PPP2R5E: variants seen among roughly 807,000 people sequenced by gnomAD.
PPP2R5E encodes serine/threonine-protein phosphatase 2A 56 kDa regulatory subunit epsilon isoform.
In PPP2R5E, 4 loss-of-function variants were observed where a neutral mutation model predicts 65.3. That is an observed-to-expected ratio of 0.06 (90% CI 0.03 to 0.14). PPP2R5E has a LOEUF of 0.14. Among genes scored for constraint, PPP2R5E ranks in the 10% least tolerant of loss-of-function variants. PPP2R5E has a pLI of 1.00. For missense variants in PPP2R5E, 274 were observed against 556.1 expected (o/e 0.49, Z 5.10); for synonymous variants, 183 against 187.4 (o/e 0.98, Z 0.19).
At chr14:63,377,057 C>T (rs758920911) in intron 13 of PPP2R5E, among the ~76,000 whole-genome samples, 49 of 151,502 alleles carry the variant, frequency 3.2e-4, no homozygotes, top group Non-Finnish European at 5.7e-4. Flanking sequence ...CGCTTGAACC[C>T]GGGGGGCGGA....
At chr14:63,444,767 G>A (rs1015761470) in intron 3 of PPP2R5E, among the ~76,000 whole-genome samples, 4 of 152,112 alleles carry the variant, frequency 2.6e-5, no homozygotes, top group Admixed American at 1.3e-4. Flanking sequence ...GCATAATGTG[G>A]TTAAAAAAAA....
chr14:63,423,439 T>C (rs2139892212), intron 3 of PPP2R5E, among the ~76,000 whole-genome samples: 1 of 152,282 alleles, frequency 6.6e-6, no homozygotes, highest in South Asian at 2.1e-4. Context: ...TTTTAAATGT[T>C]GTTGGTACTA....
intron 5 of PPP2R5E, among the ~76,000 whole-genome samples, chr14:63,399,366 C>CTTTTTGTTTTTT (rs1885606310): frequency 4.1e-5 from 2 of 48,504 alleles, no homozygotes; most frequent in Non-Finnish European, 7.2e-5. Context: ...GGATTTCTTT[C>CTTTTTGTTTTTT]TTTTTTTTTT....
chr14:63,432,825 G>A (rs937843174), intron 3 of PPP2R5E, among the ~76,000 whole-genome samples: 3 of 151,994 alleles, frequency 2.0e-5, no homozygotes, highest in Non-Finnish European at 2.9e-5. Context: ...CAACCTAAAC[G>A]TTCATCAAAC....
intron 2 of PPP2R5E, among the ~76,000 whole-genome samples, chr14:63,487,105 C>T (rs1594931050): frequency 1.3e-5 from 2 of 152,202 alleles, no homozygotes; most frequent in East Asian, 3.8e-4. Context: ...CATAAACCCA[C>T]ATCTATACTC....
At chr14:63,490,807 C>T (rs1455484018) in intron 2 of PPP2R5E, among the ~76,000 whole-genome samples, 1 of 152,052 alleles carries the variant, frequency 6.6e-6, no homozygotes, top group Non-Finnish European at 1.5e-5. Context: ...AGTTCAGCCC[C>T]TATGTTAAGC....
intron 2 of PPP2R5E, among the ~76,000 whole-genome samples, chr14:63,519,635 T>C (rs1892807237): frequency 6.6e-6 from 1 of 150,758 alleles, no homozygotes; most frequent in African/African-American, 2.4e-5. Context: ...ATGACAGGCA[T>C]GAGCCACCGT....
chr14:63,486,582 A>T (rs1404982653), intron 2 of PPP2R5E, among the ~76,000 whole-genome samples: 1 of 151,978 alleles, frequency 6.6e-6, no homozygotes, highest in African/African-American at 2.4e-5. Context: ...CATTTGGGTT[A>T]TACCAGAATA....
intron 12 of PPP2R5E, among the ~76,000 whole-genome samples, chr14:63,382,506 A>G (rs956595391): frequency 1.3e-4 from 20 of 152,008 alleles, no homozygotes; most frequent in African/African-American, 4.6e-4. Flanking sequence ...GGTTCAAGCA[A>G]TTCTCCTGCC....
chr14:63,387,085 G>A lies in PPP2R5E; in HGVS notation c.1075-2514C>T, dbSNP rs566720212. On this transcript the variant is annotated intron_variant, in intron 11 of 13. Coordinates refer to ENST00000337537, the MANE Select transcript of PPP2R5E (RefSeq NM_006246.5). ...TTTGGGAATCATCAAAGCAAATGAC[G>A]TAACTGACACAGATAAAGCAGGAGG... Among the ~76,000 whole-genome samples the A allele has an allele frequency of 6.8e-4, 104 of 152,198 alleles. 2 individuals carry two copies. The highest frequency in any genetic ancestry group is 5.6e-3 in the South Asian group (27 of 4,820).
In PPP2R5E at chr14:63,510,426, G is replaced by C. The variant is rs866882959; in HGVS notation, c.157+29103C>G. ...CATGGAGCATGCAGTCTAACTGAAG[G>C]GGATAGAAAATAAACAACTGTCAAG... On this transcript the variant is annotated intron_variant, in intron 2 of 13. Transcript: ENST00000337537. 3.3e-5 allele frequency among the ~76,000 whole-genome samples: 5 copies of C among 152,200 alleles called. No individual in the cohort carries two copies. The South Asian group carries it at 1.0e-3, about 31-fold the overall frequency.
At chr14:63,400,998 AC>A (rs1222383907) in intron 5 of PPP2R5E, among the ~76,000 whole-genome samples, 1 of 152,230 alleles carries the variant, frequency 6.6e-6, no homozygotes, top group Non-Finnish European at 1.5e-5. Context: ...TAATGAATAC[AC>A]AATAATTAAG....
At chr14:63,416,677 G>T (rs1886704581) in intron 4 of PPP2R5E, among the ~76,000 whole-genome samples, 1 of 149,532 alleles carries the variant, frequency 6.7e-6, no homozygotes, top group Non-Finnish European at 1.5e-5. Context: ...TAAAAACAAG[G>T]TGCATTATAT....
chr14:63,442,496 C>T (rs1327468464), intron 3 of PPP2R5E, among the ~76,000 whole-genome samples: 2 of 151,994 alleles, frequency 1.3e-5, no homozygotes, highest in East Asian at 3.9e-4. Flanking sequence ...CAGTAGTCCC[C>T]GTCCTATCTG....
At chr14:63,467,868 G>A (rs577290458) in intron 2 of PPP2R5E, among the ~76,000 whole-genome samples, 6 of 152,308 alleles carry the variant, frequency 3.9e-5, no homozygotes, top group African/African-American at 9.6e-5. Flanking sequence ...CAGCTAAGAC[G>A]ATGGGCTACA....
At chr14:63,391,688 G>T (rs1885032933) in intron 10 of PPP2R5E, 129 bp downstream of exon 10, 4 of 984,344 alleles carry the variant, frequency 4.1e-6, no homozygotes, top group Non-Finnish European at 6.1e-6. Context: ...CTCCCAAAGT[G>T]CTGGGATTAC....
At position 63,450,113 on chromosome 14, in the gene PPP2R5E, T is replaced by G. The variant is rs186073360; in HGVS notation, c.354+3576A>C. ...CTAGTCTCAAACTCCTGGCCTCAAG[T>G]GATCCACGCGCCTCAGCCTCCCAAA... is the stretch of plus-strand genomic sequence containing the variant. On this transcript the variant is annotated intron_variant, in intron 3 of 13. Transcript: ENST00000337537. Among the ~76,000 whole-genome samples the G allele has an allele frequency of 9.9e-5, 15 of 152,206 alleles. No homozygotes were observed. In the East Asian group the frequency reaches 2.9e-3, roughly 29 times the overall value.
chr14:63,408,249 A>G (rs1236879214), intron 5 of PPP2R5E, among the ~76,000 whole-genome samples: 2 of 125,928 alleles, frequency 1.6e-5, no homozygotes, highest in African/African-American at 9.7e-5. Flanking sequence ...TGGTGCATTC[A>G]ATAACCTTTG....
intron 5 of PPP2R5E, among the ~76,000 whole-genome samples, chr14:63,397,433 C>G (rs1013699332): frequency 7.2e-6 from 1 of 139,532 alleles, no homozygotes; most frequent in African/African-American, 2.7e-5. Context: ...ACCCAGGAGG[C>G]AGAGGTTACA....
Sources: allele counts gnomAD v4.1 joint callset (sites outside exome capture counted in the v4.1 genomes callset), GRCh38; gene constraint gnomAD v4.1.1; transcripts MANE v1.5; gene names NCBI Gene and HGNC (gene_info 2026-07-23, HGNC 2026-07-21).